The following MYRIP variants were observed in gnomAD, a reference collection of about 807,000 sequenced individuals.
MYRIP encodes the protein rab effector MyRIP.
In MYRIP, 49 loss-of-function variants were observed where a neutral mutation model predicts 98.0. The observed-to-expected ratio is 0.50, with a 90% CI of 0.40 to 0.63. MYRIP has a LOEUF of 0.63. Ranked by LOEUF, MYRIP falls within the 30% of genes least tolerant of loss-of-function variation. The pLI is 0.00. For synonymous variants in MYRIP, 404 were observed against 409.5 expected (o/e 0.99, Z 0.16); for missense variants, 1,004 against 1,058.2 (o/e 0.95, Z 0.71).
intron 3 of MYRIP, among the ~76,000 whole-genome samples, chr3:40,109,536 G>T (rs777908776): frequency 6.6e-6 from 1 of 152,218 alleles, no homozygotes; most frequent in Non-Finnish European, 1.5e-5. Context: ...TGTAATCCCA[G>T]CTACTTGGGA....
At chr3:39,829,972 T>C (rs147247227) in intron 1 of MYRIP, among the ~76,000 whole-genome samples, 138 of 152,304 alleles carry the variant, frequency 9.1e-4, no homozygotes, top group Non-Finnish European at 1.6e-3. Flanking sequence ...ACTTCCACAG[T>C]TGTAACCTAG....
chr3:39,894,116 A>G (rs1369815076), intron 1 of MYRIP, among the ~76,000 whole-genome samples: 4 of 152,218 alleles, frequency 2.6e-5, no homozygotes, highest in Non-Finnish European at 5.9e-5. Flanking sequence ...GTATATTTCT[A>G]TCTATTTATA....
intron 1 of MYRIP, among the ~76,000 whole-genome samples, chr3:39,871,146 A>G (rs1181405761): frequency 2.0e-5 from 3 of 152,138 alleles, no homozygotes; most frequent in African/African-American, 7.2e-5. Context: ...CTAATTTGAG[A>G]AGCAGATACC....
chr3:39,878,915 A>G (rs1201293505), intron 1 of MYRIP, among the ~76,000 whole-genome samples: 1 of 151,070 alleles, frequency 6.6e-6, no homozygotes, highest in Non-Finnish European at 1.5e-5. Context: ...AAAAAAAAAA[A>G]AATAGCTGGG....
chr3:40,126,187 C>CT (rs1206864442), intron 3 of MYRIP, among the ~76,000 whole-genome samples: 1 of 152,202 alleles, frequency 6.6e-6, no homozygotes, highest in African/African-American at 2.4e-5. Flanking sequence ...CGCAGCATCA[C>CT]ATCACCTGAG....
At chr3:40,025,026 G>T (rs1473687839) in intron 2 of MYRIP, among the ~76,000 whole-genome samples, 1 of 152,170 alleles carries the variant, frequency 6.6e-6, no homozygotes, top group African/African-American at 2.4e-5. Context: ...GCCAAAAAAA[G>T]AAACCAAGGT....
At chr3:39,856,813 A>C (rs971579043) in intron 1 of MYRIP, among the ~76,000 whole-genome samples, 18 of 152,332 alleles carry the variant, frequency 1.2e-4, no homozygotes, top group African/African-American at 3.8e-4. Flanking sequence ...AGAGATAATT[A>C]ACTCCCCGAT....
At chr3:40,204,777 T>C (rs779764943) in intron 10 of MYRIP, among the ~76,000 whole-genome samples, 2 of 152,144 alleles carry the variant, frequency 1.3e-5, no homozygotes, top group African/African-American at 2.4e-5. Context: ...TAGAGCTAGA[T>C]GGTGTCCTCT....
chr3:39,963,087 G>A (rs894181075), intron 2 of MYRIP, among the ~76,000 whole-genome samples: 3 of 152,086 alleles, frequency 2.0e-5, no homozygotes, highest in Admixed American at 6.6e-5. Flanking sequence ...AAACAGAAAA[G>A]GCACATACTT....
intron 2 of MYRIP, among the ~76,000 whole-genome samples, chr3:40,006,886 G>C (rs1037278428): frequency 3.9e-5 from 6 of 152,076 alleles, no homozygotes; most frequent in Non-Finnish European, 8.8e-5. Context: ...TAAGAGGCTG[G>C]GTCTTGCTCT....
intron 1 of MYRIP, among the ~76,000 whole-genome samples, chr3:39,822,299 C>G (rs1941124059): frequency 6.6e-6 from 1 of 152,142 alleles, no homozygotes. Flanking sequence ...TTTATCATTT[C>G]TTTGTGTTAG....
intron 11 of MYRIP, among the ~76,000 whole-genome samples, chr3:40,211,601 T>G (rs948263841): frequency 6.6e-6 from 1 of 152,232 alleles, no homozygotes; most frequent in East Asian, 1.9e-4. Flanking sequence ...TCTCTGTTAC[T>G]TGAACTGATG....
chr3:40,241,734 A>C (rs1264836352), intron 12 of MYRIP, among the ~76,000 whole-genome samples: 1 of 152,236 alleles, frequency 6.6e-6, no homozygotes, highest in Non-Finnish European at 1.5e-5. Flanking sequence ...AATCACAGGC[A>C]TCAATGACTA....
intron 1 of MYRIP, among the ~76,000 whole-genome samples, chr3:39,863,669 A>G (rs780668510): frequency 6.6e-6 from 1 of 152,186 alleles, no homozygotes; most frequent in Non-Finnish European, 1.5e-5. Flanking sequence ...AATCAGTAAT[A>G]TAAAGCTTAC....
At chr3:39,872,030 T>A (rs1167309219) in intron 1 of MYRIP, among the ~76,000 whole-genome samples, 1 of 152,070 alleles carries the variant, frequency 6.6e-6, no homozygotes, top group Non-Finnish European at 1.5e-5. Context: ...TATCTCTGCA[T>A]AGTTGGGCCT....
At chr3:39,867,263 C>T (rs960557706) in intron 1 of MYRIP, among the ~76,000 whole-genome samples, 1 of 152,026 alleles carries the variant, frequency 6.6e-6, no homozygotes, top group East Asian at 1.9e-4. Flanking sequence ...TTTATGTTGG[C>T]TTTAGCAATG....
intron 1 of MYRIP, among the ~76,000 whole-genome samples, chr3:39,887,524 A>G (rs1943343397): frequency 6.6e-6 from 1 of 152,180 alleles, no homozygotes; most frequent in Non-Finnish European, 1.5e-5. Flanking sequence ...GATGGGACGT[A>G]TTTCAAAATA....
intron 3 of MYRIP, among the ~76,000 whole-genome samples, chr3:40,052,324 TA>T (rs1947810157): frequency 6.6e-6 from 1 of 152,130 alleles, no homozygotes; most frequent in Non-Finnish European, 1.5e-5. Flanking sequence ...TCACTTAATA[TA>T]ATGACCTCCA....
At chr3:39,891,337 A>AT (rs138239533) in intron 1 of MYRIP, among the ~76,000 whole-genome samples, 20 of 151,412 alleles carry the variant, frequency 1.3e-4, no homozygotes, top group South Asian at 2.1e-4. Flanking sequence ...TATTGCTCAG[A>AT]TTTTTTTTTC....
Sources: gnomAD v4.1 joint callset for allele counts (sites outside exome capture counted in the v4.1 genomes callset) on GRCh38, gnomAD v4.1.1 for gene constraint, MANE v1.5 for transcripts, NCBI Gene and HGNC (gene_info 2026-07-23, HGNC 2026-07-21) for gene names.